SHANK2: variants seen among roughly 807,000 people sequenced by gnomAD.
The protein encoded by SHANK2 is SH3 and multiple ankyrin repeat domains 2, also known as SH3 and multiple ankyrin repeat domains protein 2.
Under a neutral mutation model 133.7 loss-of-function variants are expected in SHANK2, and 43 were observed. That is an observed-to-expected ratio of 0.32 (90% confidence interval 0.25 to 0.41). The LOEUF is 0.41. SHANK2 is among the 10% of genes least tolerant of loss of function. The probability of loss-of-function intolerance (pLI) is 1.00; values close to 1 mark genes in which losing one functional copy is unlikely to be tolerated. For missense variants in SHANK2, 1,994 were observed against 2,235.8 expected (o/e 0.89, Z 2.18); for synonymous variants, 1,017 against 952.8 (o/e 1.07, Z -1.24).
In SHANK2 at chr11:70,473,889, G is replaced by A. The variant is rs1291260776; in HGVS notation, c.4980-450C>T. ...TGGGGTCCTGTCACCTGGGTAGAAC[G>A]TGCCAGGCAACATCTCCAGCGCCTC... is the stretch of plus-strand genomic sequence containing the variant. On this transcript the variant is annotated intron_variant, in intron 25 of 25. Coordinates refer to ENST00000601538, the MANE Select transcript of SHANK2 (RefSeq NM_012309.5). The surrounding 1 kb of genome is among the most constrained non-coding windows in gnomAD (Gnocchi z 5.9). 7 of 263,952 alleles carry A rather than the reference G, an allele frequency of 2.7e-5. No homozygotes were observed. Among genetic ancestry groups the A allele is most frequent in the Admixed American group, 4.2e-5 (1 of 23,730 alleles). 16.4% of individuals were successfully genotyped at this position (263,952 alleles called of 1,614,324 possible).
At chr11:70,581,875 A>T (rs1186366694) in intron 17 of SHANK2, among the ~76,000 whole-genome samples, 2 of 152,176 alleles carry the variant, frequency 1.3e-5, no homozygotes, top group African/African-American at 4.8e-5. Context: ...AAGCCACTTA[A>T]TCTCTTTGGA....
At chr11:70,678,701 C>T (rs1231617816) in intron 15 of SHANK2, among the ~76,000 whole-genome samples, 1 of 151,946 alleles carries the variant, frequency 6.6e-6, no homozygotes, top group Non-Finnish European at 1.5e-5. Flanking sequence ...CACCACCACA[C>T]CCAGCTAATT....
At chr11:71,116,373 C>CATT (rs1951978446) in intron 4 of SHANK2, among the ~76,000 whole-genome samples, 1 of 152,226 alleles carries the variant, frequency 6.6e-6, no homozygotes, top group South Asian at 2.1e-4. Context: ...TAACCCAACA[C>CATT]GTATACACTG....
intron 17 of SHANK2, among the ~76,000 whole-genome samples, chr11:70,617,768 G>A (rs1554996541): frequency 6.6e-6 from 1 of 152,096 alleles, no homozygotes. Context: ...TGCCAAGCAT[G>A]TTAGAAATGT....
intron 10 of SHANK2, among the ~76,000 whole-genome samples, chr11:70,902,353 A>G (rs1950034996): frequency 6.6e-6 from 1 of 152,090 alleles, no homozygotes; most frequent in African/African-American, 2.4e-5. Context: ...AAGGAAAGGG[A>G]GGGGCGGGGC....
intron 11 of SHANK2, among the ~76,000 whole-genome samples, chr11:70,853,561 G>T (rs1949124354): frequency 6.6e-6 from 1 of 152,206 alleles, no homozygotes; most frequent in African/African-American, 2.4e-5. Flanking sequence ...CCTCCCAACA[G>T]CTCCACCAGC....
intron 3 of SHANK2, among the ~76,000 whole-genome samples, chr11:71,131,461 C>T (rs1302340457): frequency 3.3e-5 from 5 of 152,178 alleles, no homozygotes; most frequent in Admixed American, 6.5e-5. Context: ...GAACATTTTT[C>T]GCACAGTGAA....
chr11:70,761,285 C>T (rs1169889542), intron 14 of SHANK2, among the ~76,000 whole-genome samples: 2 of 152,074 alleles, frequency 1.3e-5, no homozygotes, highest in Non-Finnish European at 2.9e-5. Context: ...TAAGAGAGTC[C>T]CAGTCTTTTT....
chr11:70,565,345 A>G (rs1252657416), intron 17 of SHANK2, among the ~76,000 whole-genome samples: 1 of 152,188 alleles, frequency 6.6e-6, no homozygotes, highest in East Asian at 1.9e-4. Flanking sequence ...CCCAGGTTCA[A>G]GCAATTCTTC....
intron 3 of SHANK2, among the ~76,000 whole-genome samples, chr11:71,144,656 A>G (rs1409770914): frequency 2.0e-5 from 3 of 152,246 alleles, no homozygotes; most frequent in Admixed American, 2.0e-4. Flanking sequence ...GGGGACAGTG[A>G]AAAGGGAAAA....
intron 9 of SHANK2, among the ~76,000 whole-genome samples, chr11:71,062,608 T>C (rs1010128882): frequency 6.6e-5 from 10 of 152,270 alleles, no homozygotes; most frequent in Admixed American, 2.0e-4. Context: ...GCCTGGCGAA[T>C]TGGAATACAG....
intron 1 of SHANK2, among the ~76,000 whole-genome samples, chr11:71,242,238 T>G (rs1472815319): frequency 6.6e-6 from 1 of 152,048 alleles, no homozygotes; most frequent in Non-Finnish European, 1.5e-5. Flanking sequence ...AGAAGGGGGC[T>G]GGTTTGCTAG....
chr11:70,489,123 G>A, intron 24 of SHANK2: 2 of 592,578 alleles, frequency 3.4e-6, no homozygotes, highest in Non-Finnish European at 6.1e-6. Flanking sequence ...ATTCGATAAG[G>A]GTATTCCAAA....
chr11:70,820,380 G>C lies in SHANK2; in HGVS notation c.1477C>G (p.Pro493Ala), dbSNP rs1396770215. Residue 493 changes from proline to alanine, a missense_variant, in exon 12 of 26, where the codon CCT becomes GCT. Pro to Ala is a conservative substitution (Grantham distance 27). Transcript: ENST00000601538. ...ACTCCTTACCCGACATGCCAGAGAG[G>C]CTGCGGCCTCTTGCCGTCCTCGCCT... is the stretch of plus-strand genomic sequence containing the variant. ...GAGEDGKRPQ[P>A]LWHVGSPFAL... 17 of 652,550 alleles carry C rather than the reference G, an allele frequency of 2.6e-5. No individual in the cohort carries two copies. The highest frequency in any genetic ancestry group is 4.9e-4 in the Middle Eastern group (2 of 4,116). 40.4% of individuals were successfully genotyped at this position (652,550 alleles called of 1,614,324 possible).
At chr11:70,533,823 G>A (rs1464285513) in intron 17 of SHANK2, among the ~76,000 whole-genome samples, 3 of 151,908 alleles carry the variant, frequency 2.0e-5, no homozygotes, top group Non-Finnish European at 4.4e-5. Context: ...AGCACCAATC[G>A]GCCTGTCCTG....
At chr11:70,706,552 A>T (rs1451720335) in intron 14 of SHANK2, among the ~76,000 whole-genome samples, 12 of 152,084 alleles carry the variant, frequency 7.9e-5, no homozygotes, top group African/African-American at 2.9e-4. Flanking sequence ...TCAGCTGTGA[A>T]GTGGGCCGGT....
chr11:70,551,083 C>T (rs1290358490), intron 17 of SHANK2, among the ~76,000 whole-genome samples: 4 of 152,334 alleles, frequency 2.6e-5, no homozygotes, highest in Admixed American at 2.6e-4. Flanking sequence ...CCTCCGAGAC[C>T]TCATCCCTGT....
rs562658194 is a variant in SHANK2 at position 70,934,898 on chromosome 11, G to T, written c.1108-38331C>A. 2.6e-5 allele frequency among the ~76,000 whole-genome samples: 4 copies of T among 152,178 alleles called. No individual in the cohort carries two copies. In the East Asian group the frequency reaches 7.8e-4, roughly 30 times the overall value. On this transcript the variant is annotated intron_variant, in intron 10 of 25. Transcript: ENST00000601538. The stretch of plus-strand genomic sequence containing the variant: ...AGTTGAACTGCCTGCATTTTGCCGG[G>T]GACCGCGATGCAAACCAAAGCGACG...
At chr11:71,130,352 C>T (rs868963831) in intron 3 of SHANK2, among the ~76,000 whole-genome samples, 3 of 152,162 alleles carry the variant, frequency 2.0e-5, no homozygotes, top group Non-Finnish European at 4.4e-5. Flanking sequence ...ATCCGGCCTG[C>T]CAGGGTCACA....
Sources: allele counts gnomAD v4.1 joint callset (sites outside exome capture counted in the v4.1 genomes callset), GRCh38; gene constraint gnomAD v4.1.1; non-coding constraint Gnocchi (gnomAD v3.1); transcripts MANE v1.5; gene names NCBI Gene and HGNC (gene_info 2026-07-23, HGNC 2026-07-21).